PRKAG1: variants seen among roughly 807,000 people sequenced by gnomAD.
The protein encoded by PRKAG1 is protein kinase AMP-activated non-catalytic subunit gamma 1.
Under a neutral mutation model 48.2 loss-of-function variants are expected in PRKAG1, and 27 were observed. The ratio of observed to expected loss-of-function variants is 0.56; its 90% CI spans 0.41 to 0.77. PRKAG1 has a LOEUF of 0.77. Ranked by LOEUF, PRKAG1 falls within the 30% of genes least tolerant of loss-of-function variation. The pLI is 0.00. For synonymous variants in PRKAG1, 130 were observed against 147.7 expected (o/e 0.88, Z 0.87); for missense variants, 287 against 398.3 (o/e 0.72, Z 2.38).
chr12:49,013,220 A>G (rs992165787), intron 1 of PRKAG1, 110 bp from the exon 2 acceptor site: 1 of 972,130 alleles, frequency 1.0e-6, no homozygotes, highest in African/African-American at 1.7e-5. Flanking sequence ...AAAGCACTAT[A>G]AAGCCACTGC....
intron 2 of PRKAG1, among the ~76,000 whole-genome samples, chr12:49,010,141 T>C (rs1476495525): frequency 1.3e-5 from 2 of 151,996 alleles, no homozygotes; most frequent in African/African-American, 4.8e-5. Context: ...CAAAGGTACA[T>C]TCCAGAGTGG....
chr12:49,004,108 G>A, intron 8 of PRKAG1, 186 bp from the exon 9 acceptor site: 3 of 716,608 alleles, frequency 4.2e-6, no homozygotes, highest in South Asian at 2.2e-5. Context: ...TGGGCAACAT[G>A]GCAAAACCCT....
At chr12:49,012,922 G>A (rs1297202019) in intron 2 of PRKAG1, 140 bp downstream of exon 2, 14 of 783,638 alleles carry the variant, frequency 1.8e-5, no homozygotes, top group South Asian at 1.5e-4. Context: ...CCAAACTACT[G>A]TCACTGATTT....
At chr12:49,016,580 GC>G (rs1464781844) in intron 1 of PRKAG1, 8 of 152,584 alleles carry the variant, frequency 5.2e-5, no homozygotes, top group Admixed American at 5.2e-4. Flanking sequence ...CAATATCACA[GC>G]CTTAATTTAG....
chr12:49,011,083 T>A (rs1017090763), intron 2 of PRKAG1, among the ~76,000 whole-genome samples: 1 of 152,110 alleles, frequency 6.6e-6, no homozygotes, highest in Admixed American at 6.6e-5. Context: ...TCTCAAGTGA[T>A]CCACCCGCCT....
chr12:49,015,708 G>A (rs1005875422), intron 1 of PRKAG1, among the ~76,000 whole-genome samples: 2 of 152,124 alleles, frequency 1.3e-5, no homozygotes, highest in South Asian at 4.1e-4. Flanking sequence ...AAGTAGCTGG[G>A]ACTACAGATG....
chr12:49,010,459 C>T (rs750016401), intron 2 of PRKAG1, among the ~76,000 whole-genome samples: 4 of 152,172 alleles, frequency 2.6e-5, no homozygotes, highest in Non-Finnish European at 5.9e-5. Flanking sequence ...GGGCTGGAGG[C>T]TCAGCATCGA....
chr12:49,002,896 A>C lies in PRKAG1; in HGVS notation c.*3T>G. 6.2e-7 allele frequency: 1 copy of C among 1,613,160 alleles called. No individual in the cohort carries two copies. The highest frequency in any genetic ancestry group is 8.5e-7 in the Non-Finnish European group (1 of 1,179,136). On this transcript the variant is annotated 3_prime_UTR_variant, in exon 12 of 12. Transcript: ENST00000548065. ...CTGGTGCTGCATGACCCCTTCCCCC[A>C]GCTCAGGGCTTCTTCTCTCCACCTG...
At chr12:49,008,050 G>T (rs1326771501) in intron 2 of PRKAG1, among the ~76,000 whole-genome samples, 1 of 151,846 alleles carries the variant, frequency 6.6e-6, no homozygotes, top group African/African-American at 2.4e-5. Context: ...GTAGAGACAG[G>T]GTTTCACCAC....
At chr12:49,004,763 TAAAGAG>T (rs780419384) in intron 7 of PRKAG1, 130 bp from the exon 8 acceptor site, 145 of 1,430,254 alleles carry the variant, frequency 1.0e-4, no homozygotes, top group Non-Finnish European at 1.3e-4. Context: ...AGGCCAGACT[TAAAGAG>T]AAAGAGAGAG....
rs1288281175 is a variant in PRKAG1 at position 49,005,537 on chromosome 12, T to C, written c.175A>G (p.Lys59Glu). Residue 59 changes from lysine (K) to glutamate (E), a missense_variant, in exon 4 of 12, where the codon AAA (lysine) becomes GAA (glutamate). Around this residue, in one of 2 missense-constraint regions of PRKAG1, gnomAD observed 224 missense variants for 344.3 expected, o/e 0.65. Coordinates refer to ENST00000548065, the MANE Select transcript of PRKAG1 (RefSeq NM_002733.5). This position sits in a 1 kb window ranked among gnomAD's most constrained non-coding sequence, Gnocchi z 4.1. ...VVFDTSLQVK[K>E]AFFALVTNGV... ...TTAGTCACCAAAGCAAAAAAAGCTTTCTTCACCTGTAGCCAAGACAGTAAT... is the reference window on the plus strand; with the variant it reads ...TTAGTCACCAAAGCAAAAAAAGCTTCCTTCACCTGTAGCCAAGACAGTAAT... 1.2e-6 allele frequency: 2 copies of C among 1,614,164 alleles called. No homozygotes were observed. Among genetic ancestry groups the C allele is most frequent in the Non-Finnish European group, 1.7e-6 (2 of 1,180,026 alleles).
chr12:49,016,570 C>T (rs1941982821), intron 1 of PRKAG1: 1 of 152,488 alleles, frequency 6.6e-6, no homozygotes, highest in East Asian at 1.9e-4. Context: ...CTCTCATTGC[C>T]AATATCACAG....
At position 49,002,950 on chromosome 12, in the gene PRKAG1, C is replaced by A. The variant is rs1343897530; in HGVS notation, c.945G>T (p.Leu315=). Residue 315 remains leucine (L), a synonymous_variant, in exon 12 of 12, where the codon CTG becomes CTT. Transcript: ENST00000548065. ...GCACCAGGGCCTGCAGGATGTCAGA[C>A]AGTGATACAATTCCCTTGACCACAT... ...ENDVVKGIVS[L]SDILQALVLT... The A allele has an allele frequency of 3.1e-6, 5 of 1,614,228 alleles. No homozygotes were observed. Among genetic ancestry groups the A allele is most frequent in the Non-Finnish European group, 3.4e-6 (4 of 1,180,040 alleles).
chr12:49,018,422 G>C, intron 1 of PRKAG1: 10 of 1,290,838 alleles, frequency 7.7e-6, no homozygotes, highest in Non-Finnish European at 9.9e-6. Flanking sequence ...AAAAGGGCTT[G>C]AGGTGCCAAT....
rs777882461 is a variant in PRKAG1 at position 49,018,747 on chromosome 12, A to G, written c.-7T>C. The stretch of plus-strand genomic sequence containing the variant: ...CACTCCTCACCGTCTCCATTGCAAG[A>G]GGCGCCCGGCTTGGTTTCCTCGCTT... On this transcript the variant is annotated 5_prime_UTR_variant, in exon 1 of 12. Transcript: ENST00000548065. The G allele has an allele frequency of 7.4e-6, 12 of 1,612,908 alleles. No homozygotes were observed. The highest frequency in any genetic ancestry group is 8.5e-6 in the Non-Finnish European group (10 of 1,179,996).
Position 49,002,847 on chromosome 12 carries a change from C to T in PRKAG1, c.*52G>A. 1 of 1,509,528 alleles carries T rather than the reference C, an allele frequency of 6.6e-7. No individual in the cohort carries two copies. The allele number at this position is 1,509,528 out of a possible 1,614,324, so 93.5% of individuals were successfully genotyped here. ...CATCTGATTCCCACAGAGCTTCCAG[C>T]AGGCAGTGAGTTGGGCATATCCCCT... On this transcript the variant is annotated 3_prime_UTR_variant, in exon 12 of 12. Transcript: ENST00000548065.
intron 10 of PRKAG1, 126 bp from the exon 11 acceptor site, chr12:49,003,416 A>G: frequency 6.5e-7 from 1 of 1,531,118 alleles, no homozygotes; most frequent in Non-Finnish European, 8.9e-7. Context: ...AACTCATTCA[A>G]TTCCTTTTCA....
At position 49,004,616 on chromosome 12, in the gene PRKAG1, G is replaced by A; in HGVS notation, c.428C>T (p.Ser143Phe). Residue 143 changes from serine (S) to phenylalanine (F), a missense_variant, in exon 8 of 12, where the codon TCT (serine) becomes TTT (phenylalanine). Ser to Phe is a radical substitution (Grantham distance 155). Around this residue, in one of 2 missense-constraint regions of PRKAG1, gnomAD observed 224 missense variants for 344.3 expected, o/e 0.65. Coordinates refer to ENST00000548065, the MANE Select transcript of PRKAG1 (RefSeq NM_002733.5). ...GTGGATCTTGTTCCGAATTAATGAA[G>A]AGACAGCATCAAACAAGCTGTGAGA... ...SPNASLFDAV[S>F]SLIRNKIHRL... The A allele has an allele frequency of 1.2e-6, 2 of 1,614,106 alleles. No homozygotes were observed. The highest frequency in any genetic ancestry group is 1.7e-6 in the Non-Finnish European group (2 of 1,180,016).
chr12:49,015,112 T>C (rs894763710), intron 1 of PRKAG1, among the ~76,000 whole-genome samples: 2 of 152,228 alleles, frequency 1.3e-5, no homozygotes, highest in African/African-American at 4.8e-5. Flanking sequence ...CCCACTGGAC[T>C]GCATAAGACT....
Sources: gnomAD v4.1 joint callset for allele counts (sites outside exome capture counted in the v4.1 genomes callset) on GRCh38, gnomAD v4.1.1 for gene constraint, gnomAD v4.1.1 regional missense constraint, Gnocchi (gnomAD v3.1) non-coding constraint, MANE v1.5 for transcripts, NCBI Gene and HGNC (gene_info 2026-07-23, HGNC 2026-07-21) for gene names.